Variants in RAD50 observed in about 807,000 individuals in gnomAD.
The protein encoded by RAD50 is RAD50 double strand break repair protein.
In RAD50, 132 loss-of-function variants were observed where a neutral mutation model predicts 168.8. That is an observed-to-expected ratio of 0.78 (90% CI 0.68 to 0.90). The LOEUF (loss-of-function observed/expected upper bound fraction) is 0.90, where lower values mean the gene tolerates loss of function less well. Ranked by LOEUF, RAD50 falls within the 40% of genes least tolerant of loss-of-function variation. The pLI, the probability that RAD50 is intolerant of heterozygous loss-of-function variation, is 0.00. For missense variants in RAD50, 1,347 were observed against 1,534.4 expected (o/e 0.88, Z 2.04); for synonymous variants, 525 against 497.4 (o/e 1.06, Z -0.74).
intron 21 of RAD50, among the ~76,000 whole-genome samples, chr5:132,628,033 A>T (rs1015916927): frequency 6.6e-6 from 1 of 152,198 alleles, no homozygotes; most frequent in African/African-American, 2.4e-5. Flanking sequence ...GAACAACAGG[A>T]TATTGGGAGA....
chr5:132,634,199 G>GACTC (rs1751530376), intron 21 of RAD50, among the ~76,000 whole-genome samples: 1 of 151,946 alleles, frequency 6.6e-6, no homozygotes, highest in Non-Finnish European at 1.5e-5. Flanking sequence ...TACCATTCTG[G>GACTC]ACTCCTTAGT....
At position 132,588,179 on chromosome 5, in the gene RAD50, G is replaced by A. The variant is rs919872668; in HGVS notation, c.1051+90G>A. 4.9e-5 allele frequency: 70 copies of A among 1,431,478 alleles called. No homozygotes were observed. The African/African-American group carries it at 8.1e-4, about 17-fold the overall frequency. The allele number at this position is 1,431,478 out of a possible 1,614,324, so 88.7% of individuals were successfully genotyped here. On this transcript the variant is annotated intron_variant, in intron 7 of 24. Coordinates refer to ENST00000378823, the MANE Select transcript of RAD50 (RefSeq NM_005732.4). ...AAGAATCTCCAAGGACTTATGCTGAGTGAAAAGCCAATCTTAAAAGGCTAT... is the reference window on the plus strand; with the variant it reads ...AAGAATCTCCAAGGACTTATGCTGAATGAAAAGCCAATCTTAAAAGGCTAT...
At chr5:132,636,938 G>A (rs1262296601) in intron 21 of RAD50, among the ~76,000 whole-genome samples, 177 bp from the exon 22 acceptor site, 2 of 151,900 alleles carry the variant, frequency 1.3e-5, no homozygotes, top group Admixed American at 6.6e-5. Context: ...AAGCAGCAAA[G>A]TTTTGCTGCT....
intron 21 of RAD50, among the ~76,000 whole-genome samples, chr5:132,629,619 T>G (rs1340520641): frequency 6.6e-6 from 1 of 152,198 alleles, no homozygotes; most frequent in Non-Finnish European, 1.5e-5. Context: ...AACAGTGGCC[T>G]TCTCAAGATT....
At chr5:132,597,569 A>G (rs1750813276) in intron 13 of RAD50, among the ~76,000 whole-genome samples, 1 of 152,196 alleles carries the variant, frequency 6.6e-6, no homozygotes, top group Admixed American at 6.5e-5. Flanking sequence ...GGAGAGGCCC[A>G]TATGCCAAGG....
intron 9 of RAD50, 61 bp from the exon 10 acceptor site, chr5:132,591,163 A>G: frequency 2.0e-6 from 3 of 1,480,232 alleles, no homozygotes; most frequent in Non-Finnish European, 2.8e-6. Context: ...ACACTTTGTC[A>G]TTATTTTAAT....
At position 132,591,957 on chromosome 5, in the gene RAD50, C is replaced by T. The variant is rs755307196; in HGVS notation, c.1716C>T (p.Asn572=). 5 of 1,611,532 alleles carry T rather than the reference C, an allele frequency of 3.1e-6. No homozygotes were observed. The South Asian group carries it at 5.5e-5, about 18-fold the overall frequency. Residue 572 remains asparagine (N), a synonymous_variant, in exon 11 of 25, where the codon AAC becomes AAT. Transcript: ENST00000378823. ...CCTCACTGTTGGGATATTTTCCCAA[C>T]AAAAAACAGCTTGAAGACTGGCTAC... ...ELTSLLGYFP[N]KKQLEDWLHS... is the part of the protein sequence containing the mutation.
At chr5:132,609,495 A>G in intron 19 of RAD50, 99 bp downstream of exon 19, 1 of 1,533,942 alleles carries the variant, frequency 6.5e-7, no homozygotes, top group Non-Finnish European at 8.8e-7. Context: ...TGCAAAAAGG[A>G]AAGAGGCCAA....
chr5:132,573,129 C>G (rs540028646), intron 2 of RAD50, among the ~76,000 whole-genome samples: 42 of 152,282 alleles, frequency 2.8e-4, no homozygotes, highest in African/African-American at 9.1e-4. Context: ...GTAGGAAATA[C>G]TGGTGTTGGG....
chr5:132,613,594 C>CTTTTTTTT (rs869151568), intron 19 of RAD50, among the ~76,000 whole-genome samples: 2 of 111,160 alleles, frequency 1.8e-5, no homozygotes, highest in African/African-American at 3.7e-5. Context: ...TCACAATAGT[C>CTTTTTTTT]TTTTTTTTTT....
At chr5:132,634,650 C>G (rs1467018646) in intron 21 of RAD50, among the ~76,000 whole-genome samples, 2 of 152,080 alleles carry the variant, frequency 1.3e-5, no homozygotes, top group African/African-American at 2.4e-5. Flanking sequence ...TTAGGAGGAA[C>G]ACTTCTATAG....
rs1035829559 is a variant in RAD50 at position 132,608,483 on chromosome 5, A to T, written c.2719-132A>T. 4 of 705,794 alleles carry T rather than the reference A, an allele frequency of 5.7e-6. No homozygotes were observed. In the East Asian group the frequency reaches 1.1e-4, roughly 20 times the overall value. 43.7% of individuals were successfully genotyped at this position (705,794 alleles called of 1,614,324 possible). On this transcript the variant is annotated intron_variant, in intron 16 of 24. Transcript: ENST00000378823. ...ATGATGGTACTGTCCTCATAGGGTCATTGAAAGGAGCAAATGAGTTGACTT... is the reference window on the plus strand; with the variant it reads ...ATGATGGTACTGTCCTCATAGGGTCTTTGAAAGGAGCAAATGAGTTGACTT...
At chr5:132,612,605 C>T (rs980571403) in intron 19 of RAD50, among the ~76,000 whole-genome samples, 1 of 152,036 alleles carries the variant, frequency 6.6e-6, no homozygotes, top group Non-Finnish European at 1.5e-5. Context: ...GAGGCCGAGG[C>T]GGGCAGATTG....
At chr5:132,575,505 G>A (rs1440719810) in intron 2 of RAD50, among the ~76,000 whole-genome samples, 2 of 152,128 alleles carry the variant, frequency 1.3e-5, no homozygotes, top group Non-Finnish European at 2.9e-5. Flanking sequence ...AAACATTTTT[G>A]ATGCTTACAG....
rs1268341317 is a variant in RAD50 at position 132,557,303 on chromosome 5, G to A, written c.-22G>A. ...CCTTTGTGGGCTCCAGGTCCCTGGTGAGATTAGAAACGTTTGCAAACATGT... is the reference window on the plus strand; with the variant it reads ...CCTTTGTGGGCTCCAGGTCCCTGGTAAGATTAGAAACGTTTGCAAACATGT... On this transcript the variant is annotated 5_prime_UTR_variant, in exon 1 of 25. Coordinates refer to ENST00000378823, the MANE Select transcript of RAD50 (RefSeq NM_005732.4). The A allele has an allele frequency of 1.2e-6, 2 of 1,613,806 alleles. No individual in the cohort carries two copies. The highest frequency in any genetic ancestry group is 1.7e-6 in the Non-Finnish European group (2 of 1,179,750).
At chr5:132,606,528 T>C (rs1750988531) in intron 16 of RAD50, among the ~76,000 whole-genome samples, 1 of 152,176 alleles carries the variant, frequency 6.6e-6, no homozygotes, top group Non-Finnish European at 1.5e-5. Flanking sequence ...ACAGCCGAAT[T>C]CTACCAGAGG....
intron 23 of RAD50, 34 bp downstream of exon 23, chr5:132,638,257 C>T: frequency 1.2e-6 from 2 of 1,612,758 alleles, no homozygotes; most frequent in Non-Finnish European, 8.5e-7. Context: ...AGCCAACTCA[C>T]CCAAGTAACT....
intron 11 of RAD50, among the ~76,000 whole-genome samples, chr5:132,592,449 TC>T (rs1199204812): frequency 6.6e-6 from 1 of 152,180 alleles, no homozygotes; most frequent in African/African-American, 2.4e-5. Flanking sequence ...CCTAATGATT[TC>T]CCATCGAAAC....
intron 21 of RAD50, among the ~76,000 whole-genome samples, chr5:132,625,091 T>G (rs1255297914): frequency 6.8e-6 from 1 of 147,670 alleles, no homozygotes; most frequent in East Asian, 2.0e-4. Context: ...TTTGAATTCT[T>G]TTTTTTTTTT....
Sources: gnomAD v4.1 joint callset for allele counts (sites outside exome capture counted in the v4.1 genomes callset) on GRCh38, gnomAD v4.1.1 for gene constraint, MANE v1.5 for transcripts, NCBI Gene and HGNC (gene_info 2026-07-23, HGNC 2026-07-21) for gene names.